Variants in HERC4 observed in about 807,000 individuals in gnomAD.
The protein encoded by HERC4 is HECT and RLD domain containing E3 ubiquitin protein ligase 4.
A neutral mutation model predicts 124.3 loss-of-function variants in HERC4; 28 were observed. That is an observed-to-expected ratio of 0.23 (90% CI 0.17 to 0.31). HERC4 has a LOEUF of 0.31. Ranked by LOEUF, HERC4 falls within the 10% of genes least tolerant of loss-of-function variation. The pLI, the probability that HERC4 is intolerant of heterozygous loss-of-function variation, is 1.00. For missense variants in HERC4, 713 were observed against 1,229.3 expected, an observed-to-expected ratio of 0.58 and a Z score of 6.28; for synonymous variants, 407 against 421.5, an observed-to-expected ratio of 0.97 and a Z score of 0.42.
intron 3 of HERC4, among the ~76,000 whole-genome samples, chr10:68,059,488 T>TTA (rs1554830099): frequency 1.6e-5 from 2 of 121,554 alleles, no homozygotes; most frequent in African/African-American, 6.8e-5. Flanking sequence ...ATATTATATA[T>TTA]TATAACATTA....
At chr10:68,011,985 C>T (rs895415767) in intron 9 of HERC4, among the ~76,000 whole-genome samples, 16 of 152,220 alleles carry the variant, frequency 1.1e-4, no homozygotes, top group African/African-American at 3.6e-4. Context: ...CTTGCTGTAG[C>T]ATATACATCA....
At chr10:68,027,806 C>T (rs1198946053) in intron 7 of HERC4, among the ~76,000 whole-genome samples, 1 of 151,820 alleles carries the variant, frequency 6.6e-6, no homozygotes, top group Non-Finnish European at 1.5e-5. Flanking sequence ...GCCTGTAATC[C>T]CAGCTACTCG....
intron 15 of HERC4, among the ~76,000 whole-genome samples, chr10:67,982,699 C>T (rs1021284511): frequency 3.9e-5 from 6 of 152,092 alleles, no homozygotes; most frequent in South Asian, 4.1e-4. Flanking sequence ...TATTTGCAAA[C>T]TAATCATCTG....
rs1405770868 is a variant in HERC4 at position 67,922,408 on chromosome 10, TCA to T, written c.*521_*522del. The T allele has an allele frequency of 2.0e-5, 3 of 152,266 alleles. No individual in the cohort carries two copies. The highest frequency in any genetic ancestry group is 3.9e-4 in the East Asian group (2 of 5,194). 9.4% of individuals were successfully genotyped at this position (152,266 alleles called of 1,614,324 possible). A position where few individuals can be genotyped will look rare whatever the true frequency, so the allele number is the denominator to read the frequency against. On this transcript the variant is annotated 3_prime_UTR_variant, in exon 25 of 25. Coordinates refer to ENST00000373700, the MANE Select transcript of HERC4 (RefSeq NM_015601.4). ...ACCTTTTTTTTCTTTTTATAGAGTC[TCA>T]GAGTAAGATTTAAATCATAATTTTT...
rs891806236 is a variant in HERC4 at position 67,984,917 on chromosome 10, G to A, written c.1806+3746C>T. 2.2e-4 allele frequency among the ~76,000 whole-genome samples: 34 copies of A among 151,830 alleles called. 1 individual carries two copies. The highest frequency in any genetic ancestry group is 8.0e-4 in the African/African-American group (33 of 41,386). On this transcript the variant is annotated intron_variant, in intron 15 of 24. Coordinates refer to ENST00000373700, the MANE Select transcript of HERC4 (RefSeq NM_015601.4). ...CCTAGTATTTCATAGCACATCTCATGTACCCCATAAAGATATACCTACTAT... is the reference window on the plus strand; with the variant it reads ...CCTAGTATTTCATAGCACATCTCATATACCCCATAAAGATATACCTACTAT...
At chr10:68,023,350 T>A (rs1295538915) in intron 8 of HERC4, among the ~76,000 whole-genome samples, 1 of 152,202 alleles carries the variant, frequency 6.6e-6, no homozygotes. Flanking sequence ...AATGGAATGC[T>A]GTTCAGCCTT....
chr10:68,060,558 T>C (rs1396280964), intron 3 of HERC4, among the ~76,000 whole-genome samples: 1 of 152,170 alleles, frequency 6.6e-6, no homozygotes, highest in Admixed American at 6.5e-5. Context: ...ACATTCTAAA[T>C]ATTTCAACAC....
chr10:67,922,936 T>C lies in HERC4; in HGVS notation c.3145A>G (p.Ile1049Val). The change falls in exon 25 of 25, where the codon ATA becomes GTA. Residue 1049 changes from isoleucine (I) to valine (V), a missense_variant. Transcript: ENST00000373700. ...GAATAGTTATAACTCCAAAGTTATATTAAACTGAAGCCTTCATTGTGATCA... is the reference window on the plus strand; with the variant it reads ...GAATAGTTATAACTCCAAAGTTATACTAAACTGAAGCCTTCATTGTGATCA... ...AIDHNEGFSL[I>V] The C allele has an allele frequency of 3.7e-6, 6 of 1,601,154 alleles. No individual in the cohort carries two copies. Among genetic ancestry groups the C allele is most frequent in the Non-Finnish European group, 5.1e-6 (6 of 1,172,410 alleles).
chr10:68,041,588 T>C (rs955943445), intron 4 of HERC4, among the ~76,000 whole-genome samples: 1 of 152,204 alleles, frequency 6.6e-6, no homozygotes, highest in South Asian at 2.1e-4. Flanking sequence ...TCTTATACTA[T>C]CTTGCCATAA....
At chr10:68,037,715 C>A (rs1382340588) in intron 5 of HERC4, among the ~76,000 whole-genome samples, 1 of 152,048 alleles carries the variant, frequency 6.6e-6, no homozygotes, top group Non-Finnish European at 1.5e-5. Context: ...AAATCAAATA[C>A]CTAGGGGAAA....
chr10:67,996,365 T>C (rs1214561763), intron 9 of HERC4, among the ~76,000 whole-genome samples: 1 of 152,144 alleles, frequency 6.6e-6, no homozygotes, highest in Non-Finnish European at 1.5e-5. Flanking sequence ...TGTTTAGGAT[T>C]ATCTCCACCT....
chr10:67,944,838 T>C (rs904319583), intron 19 of HERC4, among the ~76,000 whole-genome samples: 1 of 152,112 alleles, frequency 6.6e-6, no homozygotes, highest in African/African-American at 2.4e-5. Flanking sequence ...CTGTCAACAG[T>C]GGAACTGACC....
chr10:67,998,911 T>C (rs1381672653), intron 9 of HERC4, among the ~76,000 whole-genome samples: 4 of 152,154 alleles, frequency 2.6e-5, no homozygotes, highest in Admixed American at 1.3e-4. Flanking sequence ...GGCTAATTTT[T>C]ATATTTTTAG....
At chr10:68,010,218 T>C (rs887737944) in intron 9 of HERC4, 2 of 1,076,652 alleles carry the variant, frequency 1.9e-6, no homozygotes, top group South Asian at 1.3e-5. Flanking sequence ...TTTGAATGCA[T>C]GGGAGAGCCC....
intron 9 of HERC4, among the ~76,000 whole-genome samples, chr10:67,995,653 A>G (rs1370318033): frequency 2.0e-5 from 3 of 151,862 alleles, no homozygotes; most frequent in African/African-American, 7.3e-5. Context: ...TATTTTTTCC[A>G]AATAATTATT....
chr10:67,997,356 G>GA (rs926855991), intron 9 of HERC4, among the ~76,000 whole-genome samples: 4 of 151,912 alleles, frequency 2.6e-5, no homozygotes, highest in African/African-American at 9.7e-5. Flanking sequence ...AATTTAAGAG[G>GA]AAAAAAGAAC....
At chr10:68,006,602 T>G (rs2037580501) in intron 9 of HERC4, among the ~76,000 whole-genome samples, 1 of 152,066 alleles carries the variant, frequency 6.6e-6, no homozygotes, top group Non-Finnish European at 1.5e-5. Context: ...AGTCTCAAAC[T>G]CCTGACCTCA....
intron 15 of HERC4, among the ~76,000 whole-genome samples, chr10:67,978,295 GCC>G (rs756266007): frequency 6.6e-6 from 1 of 152,206 alleles, no homozygotes; most frequent in Non-Finnish European, 1.5e-5. Context: ...AACCCCTTGG[GCC>G]TCAAGGAAAC....
chr10:67,971,984 C>A (rs1192437586), intron 15 of HERC4, among the ~76,000 whole-genome samples: 1 of 151,658 alleles, frequency 6.6e-6, no homozygotes, highest in Non-Finnish European at 1.5e-5. Context: ...GAGGCTGAGG[C>A]AGGCAGATCA....
Sources: gnomAD v4.1 joint callset for allele counts (sites outside exome capture counted in the v4.1 genomes callset) on GRCh38, gnomAD v4.1.1 for gene constraint, MANE v1.5 for transcripts, NCBI Gene and HGNC (gene_info 2026-07-23, HGNC 2026-07-21) for gene names.